Variants in CYP27A1 observed in about 807,000 individuals in gnomAD.
CYP27A1 encodes the protein sterol 26-hydroxylase, mitochondrial.
In CYP27A1, 46 loss-of-function variants were observed where a neutral mutation model predicts 58.2. The ratio of observed to expected loss-of-function variants is 0.79; its 90% CI spans 0.62 to 1.01. The LOEUF (loss-of-function observed/expected upper bound fraction) is 1.01. Among genes scored for constraint, CYP27A1 ranks in the 50% least tolerant of loss-of-function variants. The probability of loss-of-function intolerance (pLI) is 0.00; values close to 1 mark genes in which losing one functional copy is unlikely to be tolerated. For missense variants in CYP27A1, 704 were observed against 687.0 expected, an observed-to-expected ratio of 1.02 and a Z score of -0.28; for synonymous variants, 274 against 285.1, an observed-to-expected ratio of 0.96 and a Z score of 0.39.
chr2:218,809,175 CA>C (rs72072240), intron 1 of CYP27A1, among the ~76,000 whole-genome samples: 10,102 of 151,896 alleles, frequency 0.067, 1,113 homozygotes, highest in African/African-American at 0.23. Context: ...GATTTAAATA[CA>C]AAAAAAGGAG....
chr2:218,791,782 C>T (rs188124100), intron 1 of CYP27A1, among the ~76,000 whole-genome samples: 60 of 152,282 alleles, frequency 3.9e-4, no homozygotes, highest in African/African-American at 1.3e-3. Flanking sequence ...TGAAGGGCTT[C>T]ATGTCCTCAG....
At chr2:218,808,238 G>A (rs1456304353) in intron 1 of CYP27A1, among the ~76,000 whole-genome samples, 1 of 152,196 alleles carries the variant, frequency 6.6e-6, no homozygotes, top group Non-Finnish European at 1.5e-5. Context: ...CAGGAAAATA[G>A]GCATATTCAC....
At position 218,793,065 on chromosome 2, in the gene CYP27A1, G is replaced by T. The variant is rs1170490393; in HGVS notation, c.255+10628G>T. Among the ~76,000 whole-genome samples, 26 of 152,126 alleles carry T rather than the reference G, an allele frequency of 1.7e-4. 2 individuals carry two copies. Among genetic ancestry groups the T allele is most frequent in the Admixed American group, 1.3e-3 (20 of 15,266 alleles). ...CATTTAACCAAAGTGATAATTAAAA[G>T]ATTCTTTTTATTTGTTTGTTTGTTT... On this transcript the variant is annotated intron_variant, in intron 1 of 8. Coordinates refer to ENST00000258415, the MANE Select transcript of CYP27A1 (RefSeq NM_000784.4).
chr2:218,812,756 A>T lies in CYP27A1; in HGVS notation c.844+7A>T. 1 of 1,613,674 alleles carries T rather than the reference A, an allele frequency of 6.2e-7. No individual in the cohort carries two copies. Among genetic ancestry groups the T allele is most frequent in the South Asian group, 1.1e-5 (1 of 91,050 alleles). On this transcript the variant is annotated splice_region_variant and intron_variant, in intron 4 of 8. Transcript: ENST00000258415. ...AATGCCATCTTTTCCTTTGGTGAGG[A>T]CTCCCAGATGGGGCCCAGGGAAGAG... is the stretch of plus-strand genomic sequence containing the variant.
chr2:218,786,752 C>T (rs1379735959), intron 1 of CYP27A1, among the ~76,000 whole-genome samples: 1 of 152,024 alleles, frequency 6.6e-6, no homozygotes, highest in Non-Finnish European at 1.5e-5. Context: ...CCCCAATGTC[C>T]TAAGTACATA....
intron 1 of CYP27A1, among the ~76,000 whole-genome samples, chr2:218,796,031 C>T (rs1191054769): frequency 6.6e-6 from 1 of 151,980 alleles, no homozygotes; most frequent in Non-Finnish European, 1.5e-5. Context: ...AAGATAAACT[C>T]GGAGCTCCTG....
chr2:218,791,033 A>C (rs1412645648), intron 1 of CYP27A1, among the ~76,000 whole-genome samples: 3 of 151,954 alleles, frequency 2.0e-5, no homozygotes, highest in African/African-American at 7.3e-5. Flanking sequence ...ACGGGGCTTC[A>C]CCATGTTGGC....
intron 7 of CYP27A1, 24 bp downstream of exon 7, chr2:218,814,482 T>C: frequency 3.1e-6 from 5 of 1,613,814 alleles, no homozygotes; most frequent in Non-Finnish European, 4.2e-6. Context: ...GAGAGCCCGA[T>C]TGCCCAGGAG....
chr2:218,782,340 G>T lies in CYP27A1; in HGVS notation c.158G>T (p.Arg53Leu), dbSNP rs376993392. ...GGAGCCGGGCCTGGTGTCCGGCGGC[G>T]GCAACGGAGCTTAGAGGAGATTCCA... ...APGAGPGVRR[R>L]QRSLEEIPRL... is the part of the protein sequence containing the mutation. Residue 53 changes from arginine (R) to leucine (L), a missense_variant, in exon 1 of 9, where the codon CGG becomes CTG. Arg to Leu is a moderately radical substitution (Grantham distance 102). Coordinates refer to ENST00000258415, the MANE Select transcript of CYP27A1 (RefSeq NM_000784.4). This position sits in a 1 kb window ranked among gnomAD's most constrained non-coding sequence, Gnocchi z 4.1. The T allele has an allele frequency of 9.9e-6, 16 of 1,613,630 alleles. No homozygotes were observed. The highest frequency in any genetic ancestry group is 3.3e-4 in the Middle Eastern group (2 of 6,080).
intron 1 of CYP27A1, among the ~76,000 whole-genome samples, chr2:218,800,548 A>G (rs746472727): frequency 3.9e-5 from 6 of 152,228 alleles, no homozygotes; most frequent in Admixed American, 1.3e-4. Context: ...TTTTGTGGCT[A>G]TATACCACAT....
chr2:218,797,409 A>C (rs570958666), intron 1 of CYP27A1, among the ~76,000 whole-genome samples: 1 of 152,266 alleles, frequency 6.6e-6, no homozygotes, highest in South Asian at 2.1e-4. Context: ...CTTAATTATG[A>C]TTGATAGCAT....
intron 1 of CYP27A1, among the ~76,000 whole-genome samples, chr2:218,798,256 T>C (rs375085173): frequency 1.2e-4 from 18 of 152,316 alleles, no homozygotes; most frequent in African/African-American, 3.6e-4. Flanking sequence ...CCACCTGCCT[T>C]GGCCTCCCAA....
intron 1 of CYP27A1, among the ~76,000 whole-genome samples, chr2:218,803,550 G>A (rs1330899642): frequency 6.6e-6 from 1 of 151,338 alleles, no homozygotes; most frequent in Non-Finnish European, 1.5e-5. Context: ...CAGCCTCCCA[G>A]GTAGCTGGGA....
In CYP27A1 at chr2:218,812,646, G is replaced by A. The variant is rs1212209109; in HGVS notation, c.741G>A (p.Met247Ile). The change falls in exon 4 of 9, where the codon ATG (methionine) becomes ATA (isoleucine). Residue 247 changes from methionine to isoleucine, a missense_variant. Coordinates refer to ENST00000258415, the MANE Select transcript of CYP27A1 (RefSeq NM_000784.4). ...TVTFVRSIGL[M>I]FQNSLYATFL... Reference sequence around the variant, plus strand: ...CCTTCGTCAGATCCATCGGGTTAATGTTCCAGAACTCACTCTATGCCACCT... The same window carrying A: ...CCTTCGTCAGATCCATCGGGTTAATATTCCAGAACTCACTCTATGCCACCT... 1.2e-6 allele frequency: 2 copies of A among 1,614,200 alleles called. No homozygotes were observed. Among genetic ancestry groups the A allele is most frequent in the South Asian group, 2.2e-5 (2 of 91,080 alleles).
chr2:218,801,995 T>TTTTA (rs397688567), intron 1 of CYP27A1, among the ~76,000 whole-genome samples: 42 of 149,210 alleles, frequency 2.8e-4, no homozygotes, highest in African/African-American at 7.3e-4. Context: ...TTTTTTTTTT[T>TTTTA]AATTCCTATT....
rs1256850357 is a variant in CYP27A1, at chr2:218,812,309, C to A, written c.534C>A (p.Phe178Leu). ...AAGCAGCGCTCTATACGGATGCTTT[C>A]AATGAGGTGATTGATGACTTTATGA... ...PAEAALYTDA[F>L]NEVIDDFMTR... is the part of the protein sequence containing the mutation. The change falls in exon 3 of 9, where the codon TTC becomes TTA. Residue 178 changes from phenylalanine to leucine, a missense_variant. Physicochemically the swap from Phe to Leu is conservative, Grantham distance 22 (BLOSUM62 0). Coordinates refer to ENST00000258415, the MANE Select transcript of CYP27A1 (RefSeq NM_000784.4). 6.2e-7 allele frequency: 1 copy of A among 1,614,222 alleles called. No homozygotes were observed. Among genetic ancestry groups the A allele is most frequent in the Non-Finnish European group, 8.5e-7 (1 of 1,180,028 alleles).
At chr2:218,808,735 A>G (rs1943675819) in intron 1 of CYP27A1, among the ~76,000 whole-genome samples, 1 of 152,146 alleles carries the variant, frequency 6.6e-6, no homozygotes, top group African/African-American at 2.4e-5. Context: ...TAGGAAATAT[A>G]GTCTTAGGAT....
Position 218,812,768 on chromosome 2 carries a change from G to T in CYP27A1, c.844+19G>T. The T allele has an allele frequency of 6.2e-7, 1 of 1,613,892 alleles. No individual in the cohort carries two copies. Among genetic ancestry groups the T allele is most frequent in the South Asian group, 1.1e-5 (1 of 91,078 alleles). On this transcript the variant is annotated intron_variant, in intron 4 of 8. Transcript: ENST00000258415. Reference sequence around the variant, plus strand: ...TCCTTTGGTGAGGACTCCCAGATGGGGCCCAGGGAAGAGAGATGGGGGTGA... The same window carrying T: ...TCCTTTGGTGAGGACTCCCAGATGGTGCCCAGGGAAGAGAGATGGGGGTGA...
chr2:218,803,080 G>A lies in CYP27A1; in HGVS notation c.256-6497G>A, dbSNP rs1284035138. ...ATGCCTCAGCCTCCCAAGTAGCTGG[G>A]ACTACAAGTGTGCGCCATCACGCCT... On this transcript the variant is annotated intron_variant, in intron 1 of 8. Coordinates refer to ENST00000258415, the MANE Select transcript of CYP27A1 (RefSeq NM_000784.4). 2.6e-5 allele frequency among the ~76,000 whole-genome samples: 4 copies of A among 152,280 alleles called. No individual in the cohort carries two copies. In the East Asian group the frequency reaches 5.8e-4, roughly 22 times the overall value.
Sources: allele counts gnomAD v4.1 joint callset (sites outside exome capture counted in the v4.1 genomes callset), GRCh38; gene constraint gnomAD v4.1.1; non-coding constraint Gnocchi (gnomAD v3.1); transcripts MANE v1.5; gene names NCBI Gene and HGNC (gene_info 2026-07-23, HGNC 2026-07-21).